Variants in KCNN2 observed in about 807,000 individuals in gnomAD.
KCNN2 encodes potassium calcium-activated channel subfamily N member 2.
Under a neutral mutation model 55.5 loss-of-function variants are expected in KCNN2, and 24 were observed. The observed-to-expected ratio is 0.43, with a 90% CI of 0.31 to 0.61. The LOEUF is 0.61. KCNN2 is among the 20% of genes least tolerant of loss of function. The pLI, the probability that KCNN2 is intolerant of heterozygous loss-of-function variation, is 0.08. For synonymous variants in KCNN2, 431 were observed against 336.1 expected, an observed-to-expected ratio of 1.28 and a Z score of -3.09; for missense variants, 754 against 853.6, an observed-to-expected ratio of 0.88 and a Z score of 1.45.
intron 2 of KCNN2, among the ~76,000 whole-genome samples, chr5:114,384,510 G>A (rs1758219083): frequency 6.6e-6 from 1 of 152,160 alleles, no homozygotes; most frequent in Admixed American, 6.5e-5. Flanking sequence ...TGCCGTAAGT[G>A]TGCTTCACTC....
intron 3 of KCNN2, among the ~76,000 whole-genome samples, chr5:114,406,965 C>G (rs1285459956): frequency 1.3e-5 from 2 of 152,136 alleles, no homozygotes; most frequent in Non-Finnish European, 2.9e-5. Context: ...AATCACTTTA[C>G]TTCAGAATAT....
chr5:114,495,910 T>G lies in KCNN2; in HGVS notation c.2104T>G (p.Tyr702Asp), dbSNP rs1580938732. The G allele has an allele frequency of 6.2e-7, 1 of 1,613,556 alleles. No individual in the cohort carries two copies. Among genetic ancestry groups the G allele is most frequent in the Admixed American group, 1.7e-5 (1 of 59,984 alleles). Residue 702 changes from tyrosine (Y) to aspartate (D), a missense_variant, in exon 8 of 8, where the codon TAT becomes GAT. By Grantham distance (160) the Tyr-to-Asp change is radical. Transcript: ENST00000673685. The part of the protein sequence containing the change: ...VDLAKTQNIM[Y>D]DMISDLNERS... ...TGTTTTTCAGACCCAGAACATCATG[T>G]ATGATATGATTTCTGACTTAAACGA...
intron 2 of KCNN2, among the ~76,000 whole-genome samples, chr5:114,271,932 T>C (rs865888542): frequency 6.6e-6 from 1 of 152,316 alleles, no homozygotes; most frequent in Middle Eastern, 3.4e-3. Flanking sequence ...ATTGTGCTAA[T>C]GAGGAGTACA....
chr5:114,121,817 A>G (rs1477948296), intron 1 of KCNN2, among the ~76,000 whole-genome samples: 1 of 152,180 alleles, frequency 6.6e-6, no homozygotes, highest in Non-Finnish European at 1.5e-5. Flanking sequence ...GCCCCCATGG[A>G]AACACTCCTT....
intron 1 of KCNN2, among the ~76,000 whole-genome samples, chr5:114,112,803 C>A (rs762666348): frequency 6.6e-6 from 1 of 152,010 alleles, no homozygotes; most frequent in South Asian, 2.1e-4. Context: ...ATGAATAACA[C>A]CGGTTATGCA....
rs374817299 is a variant in KCNN2 at position 114,496,042 on chromosome 5, C to A, written c.2236C>A (p.Gln746Lys). ...TGGGCTCATAAGCCAGACCATCAGG[C>A]AGCAGCAGAGAGATTTCATTGAGGC... ...LPGLISQTIRQQQRDFIEAQM... is the reference protein window; with the variant it reads ...LPGLISQTIRKQQRDFIEAQM... The change falls in exon 8 of 8, where the codon CAG becomes AAG. Residue 746 changes from glutamine to lysine, a missense_variant. Transcript: ENST00000673685. 1.9e-6 allele frequency: 3 copies of A among 1,613,962 alleles called. No homozygotes were observed. The South Asian group carries it at 3.3e-5, about 18-fold the overall frequency.
At chr5:114,241,778 A>G (rs371585190) in intron 2 of KCNN2, among the ~76,000 whole-genome samples, 5,238 of 21,678 alleles carry the variant, frequency 0.24, 1,575 homozygotes, top group South Asian at 0.32. Flanking sequence ...ATATATACAT[A>G]TATACGTATA....
intron 1 of KCNN2, among the ~76,000 whole-genome samples, chr5:114,077,401 T>A (rs1750705212): frequency 6.6e-6 from 1 of 152,194 alleles, no homozygotes; most frequent in African/African-American, 2.4e-5. Context: ...GGTCTCTGGA[T>A]CCTGTATTGT....
chr5:114,483,235 A>G (rs973466131), intron 5 of KCNN2, among the ~76,000 whole-genome samples: 4 of 151,270 alleles, frequency 2.6e-5, no homozygotes, highest in Admixed American at 6.6e-5. Flanking sequence ...GGTAAGTACT[A>G]CCACTAACAA....
Position 114,362,474 on chromosome 5 carries a change from G to C in KCNN2, c.335G>C (p.Cys112Ser), listed in dbSNP as rs184147412. The change falls in exon 1 of 8, where the codon TGC becomes TCC. Residue 112 changes from cysteine to serine, a missense_variant. Transcript: ENST00000673685. ...TCCTCGCCGCTGTCGGGCTCGTCCTGCTGCTGCTGCTGCTGCTCGTCGCGC... is the reference window on the plus strand; with the variant it reads ...TCCTCGCCGCTGTCGGGCTCGTCCTCCTGCTGCTGCTGCTGCTCGTCGCGC... ...RTSSPLSGSS[C>S]CCCCCSSRRG... The C allele has an allele frequency of 0.011, 3,350 of 315,240 alleles. 90 individuals carry two copies. The highest frequency in any genetic ancestry group is 0.066 in the African/African-American group (3,021 of 45,588). The allele number at this position is 315,240 out of a possible 1,614,324, so 19.5% of individuals were successfully genotyped here.
chr5:114,444,930 A>G (rs1475822428), intron 3 of KCNN2, among the ~76,000 whole-genome samples: 5 of 152,160 alleles, frequency 3.3e-5, no homozygotes, highest in African/African-American at 9.7e-5. Context: ...CATCAAGTAC[A>G]GTGATTTGCA....
At chr5:114,373,368 A>G (rs1580761185) in intron 2 of KCNN2, among the ~76,000 whole-genome samples, 1 of 151,792 alleles carries the variant, frequency 6.6e-6, no homozygotes, top group Admixed American at 6.6e-5. Context: ...ACTGTCTCCA[A>G]ATACTCCCAA....
intron 1 of KCNN2, among the ~76,000 whole-genome samples, chr5:114,150,699 C>G (rs1026195997): frequency 1.2e-4 from 18 of 152,118 alleles, no homozygotes; most frequent in Non-Finnish European, 8.8e-5. Flanking sequence ...TCTTACAGGA[C>G]TCAGAAACTA....
At chr5:114,211,644 AC>A (rs957531059) in intron 1 of KCNN2, among the ~76,000 whole-genome samples, 3 of 152,054 alleles carry the variant, frequency 2.0e-5, no homozygotes, top group African/African-American at 4.8e-5. Flanking sequence ...TAATCTATAT[AC>A]CAAAACCGAT....
chr5:114,116,727 G>A (rs1751714890), intron 1 of KCNN2, among the ~76,000 whole-genome samples: 1 of 152,040 alleles, frequency 6.6e-6, no homozygotes, highest in South Asian at 2.1e-4. Context: ...ATTTTGATTT[G>A]GTAAATTTCT....
At chr5:114,150,357 A>T (rs1752496466) in intron 1 of KCNN2, among the ~76,000 whole-genome samples, 1 of 152,184 alleles carries the variant, frequency 6.6e-6, no homozygotes, top group Admixed American at 6.5e-5. Context: ...ATCTACAACC[A>T]TCTGATCTTT....
intron 3 of KCNN2, among the ~76,000 whole-genome samples, chr5:114,422,690 T>G (rs1759504894): frequency 6.6e-6 from 1 of 152,240 alleles, no homozygotes; most frequent in South Asian, 2.1e-4. Context: ...TGTCGTCTTT[T>G]AAATACCCTT....
chr5:114,381,682 CCTT>C (rs1758130668), intron 2 of KCNN2, among the ~76,000 whole-genome samples: 3 of 152,224 alleles, frequency 2.0e-5, no homozygotes, highest in Admixed American at 2.0e-4. Context: ...CTCTGTGAAG[CCTT>C]CTCATTATTT....
At chr5:114,207,981 C>T (rs929668883) in intron 1 of KCNN2, among the ~76,000 whole-genome samples, 15 of 152,176 alleles carry the variant, frequency 9.9e-5, no homozygotes, top group African/African-American at 3.6e-4. Context: ...CACTTCAGAA[C>T]TAAATGCCAC....
Sources: allele counts gnomAD v4.1 joint callset (sites outside exome capture counted in the v4.1 genomes callset), GRCh38; gene constraint gnomAD v4.1.1; transcripts MANE v1.5; gene names NCBI Gene and HGNC (gene_info 2026-07-23, HGNC 2026-07-21).